The following CCT6B variants were observed in gnomAD, a reference collection of about 807,000 sequenced individuals.
CCT6B encodes probable T-complex protein 1 subunit zeta-2.
Under a neutral mutation model 61.5 loss-of-function variants are expected in CCT6B, and 49 were observed. The observed-to-expected ratio is 0.80, with a 90% CI of 0.63 to 1.01. The LOEUF is 1.01. Ranked by LOEUF, CCT6B falls within the 50% of genes least tolerant of loss-of-function variation. The pLI, the probability that CCT6B is intolerant of heterozygous loss-of-function variation, is 0.00. For synonymous variants in CCT6B, 228 were observed against 214.5 expected (o/e 1.06, Z -0.55); for missense variants, 666 against 634.7 (o/e 1.05, Z -0.53).
intron 1 of CCT6B, among the ~76,000 whole-genome samples, chr17:34,960,561 C>T (rs1046499758): frequency 1.4e-4 from 22 of 152,196 alleles, no homozygotes; most frequent in African/African-American, 5.3e-4. Flanking sequence ...GCACATCCTA[C>T]TCTACCACAT....
At chr17:34,952,769 C>G (rs1230883158) in intron 4 of CCT6B, among the ~76,000 whole-genome samples, 2 of 152,078 alleles carry the variant, frequency 1.3e-5, no homozygotes, top group Non-Finnish European at 2.9e-5. Flanking sequence ...GTTATAACTA[C>G]CCTAAAATAT....
At chr17:34,929,230 G>C (rs934970744) in intron 12 of CCT6B, among the ~76,000 whole-genome samples, 196 bp from the exon 13 acceptor site, 39 of 152,090 alleles carry the variant, frequency 2.6e-4, no homozygotes, top group Admixed American at 1.1e-3. Context: ...ACATTCTGCC[G>C]CCTACTCTAT....
intron 5 of CCT6B, among the ~76,000 whole-genome samples, chr17:34,950,454 C>A (rs2090277809): frequency 6.6e-6 from 1 of 152,062 alleles, no homozygotes; most frequent in African/African-American, 2.4e-5. Context: ...ATGGTGATAC[C>A]ACTACAGATC....
At chr17:34,956,350 T>C (rs1280603387) in intron 3 of CCT6B, among the ~76,000 whole-genome samples, 1 of 152,200 alleles carries the variant, frequency 6.6e-6, no homozygotes, top group African/African-American at 2.4e-5. Flanking sequence ...GGTTCACTCC[T>C]CCTCATCCTG....
At position 34,942,568 on chromosome 17, in the gene CCT6B, A is replaced by C; in HGVS notation, c.801T>G (p.Ile267Met). 1 of 1,608,492 alleles carries C rather than the reference A, an allele frequency of 6.2e-7. No individual in the cohort carries two copies. Among genetic ancestry groups the C allele is most frequent in the South Asian group, 1.1e-5 (1 of 90,082 alleles). The change falls in exon 7 of 14, where the codon ATT becomes ATG. Residue 267 changes from isoleucine to methionine, a missense_variant. Ile to Met is a conservative substitution (Grantham distance 10). Coordinates refer to ENST00000314144, the MANE Select transcript of CCT6B (RefSeq NM_006584.4). The part of the protein sequence containing the change: ...EKLVKAERKF[I>M]EDRVQKIIDL... ...CTATTATTTTTTGTACTCTATCTTCAATAAATTTTCTTTCAGCTTTTACCA... is the reference window on the plus strand; with the variant it reads ...CTATTATTTTTTGTACTCTATCTTCCATAAATTTTCTTTCAGCTTTTACCA...
intron 5 of CCT6B, among the ~76,000 whole-genome samples, chr17:34,948,728 A>C (rs1316938389): frequency 6.6e-6 from 1 of 150,832 alleles, no homozygotes; most frequent in East Asian, 2.0e-4. Flanking sequence ...AAAAAAAAAA[A>C]AACAAAACAA....
At chr17:34,948,655 A>G (rs2090252605) in intron 5 of CCT6B, among the ~76,000 whole-genome samples, 1 of 150,028 alleles carries the variant, frequency 6.7e-6, no homozygotes, top group African/African-American at 2.4e-5. Context: ...CAGAGATTGC[A>G]GTGAGCCAAG....
chr17:34,942,614 G>T lies in CCT6B; in HGVS notation c.755C>A (p.Thr252Asn). The change falls in exon 7 of 14, where the codon ACT becomes AAT. Residue 252 changes from threonine (T) to asparagine (N), a missense_variant. Coordinates refer to ENST00000314144, the MANE Select transcript of CCT6B (RefSeq NM_006584.4). ...TACCAATTTCTCTTTCTCTTCTGCAGTCTTATAAAAGAAACCAGAGTTCAC... is the reference window on the plus strand; with the variant it reads ...TACCAATTTCTCTTTCTCTTCTGCATTCTTATAAAAGAAACCAGAGTTCAC... The part of the protein sequence containing the change: ...TEVNSGFFYK[T>N]AEEKEKLVKA... 2 of 1,600,010 alleles carry T rather than the reference G, an allele frequency of 1.2e-6. No individual in the cohort carries two copies. Among genetic ancestry groups the T allele is most frequent in the Non-Finnish European group, 1.7e-6 (2 of 1,175,536 alleles).
At chr17:34,958,216 G>A (rs1256694470) in intron 3 of CCT6B, among the ~76,000 whole-genome samples, 4 of 152,196 alleles carry the variant, frequency 2.6e-5, no homozygotes, top group African/African-American at 4.8e-5. Flanking sequence ...GGCCCAGGCA[G>A]GTGGATCACC....
chr17:34,940,701 A>G, intron 7 of CCT6B, 80 bp from the exon 8 acceptor site: 1 of 627,994 alleles, frequency 1.6e-6, no homozygotes, highest in East Asian at 3.0e-5. Context: ...GCACCACTTT[A>G]CTCTCTTAAA....
At position 34,940,605 on chromosome 17, in the gene CCT6B, G is replaced by A. The variant is rs767958063; in HGVS notation, c.902C>T (p.Ser301Phe). 1.1e-5 allele frequency: 17 copies of A among 1,540,698 alleles called. No individual in the cohort carries two copies. The highest frequency in any genetic ancestry group is 1.4e-5 in the Non-Finnish European group (16 of 1,127,112). ...VINQKGIDPFSLDSLAKHGIV... is the reference protein window; with the variant it reads ...VINQKGIDPFFLDSLAKHGIV... ...TCCATGTTTTGCAAGAGAATCTAAGGAAAATGGATCAATTCCCTATAATCA... is the reference window on the plus strand; with the variant it reads ...TCCATGTTTTGCAAGAGAATCTAAGAAAAATGGATCAATTCCCTATAATCA... Residue 301 changes from serine to phenylalanine, a missense_variant, in exon 8 of 14, where the codon TCC becomes TTC. Coordinates refer to ENST00000314144, the MANE Select transcript of CCT6B (RefSeq NM_006584.4).
intron 5 of CCT6B, among the ~76,000 whole-genome samples, chr17:34,944,995 A>G (rs2090208023): frequency 6.6e-6 from 1 of 152,232 alleles, no homozygotes; most frequent in Non-Finnish European, 1.5e-5. Context: ...AATGTACTCA[A>G]ACTTTCAGCA....
At chr17:34,933,751 C>T (rs2090062618) in intron 10 of CCT6B, among the ~76,000 whole-genome samples, 1 of 152,266 alleles carries the variant, frequency 6.6e-6, no homozygotes, top group East Asian at 1.9e-4. Flanking sequence ...TAAAGCAGTA[C>T]TTAAAGAGAA....
intron 10 of CCT6B, among the ~76,000 whole-genome samples, chr17:34,934,251 G>A (rs958551345): frequency 6.6e-6 from 1 of 151,666 alleles, no homozygotes; most frequent in African/African-American, 2.4e-5. Context: ...TCAGAAATGA[G>A]AAAATTTATA....
At chr17:34,929,634 C>T (rs1192624386) in intron 12 of CCT6B, among the ~76,000 whole-genome samples, 1 of 151,942 alleles carries the variant, frequency 6.6e-6, no homozygotes, top group African/African-American at 2.4e-5. Flanking sequence ...CTGACTCAGC[C>T]TCCCAAGTAG....
intron 5 of CCT6B, among the ~76,000 whole-genome samples, chr17:34,948,360 G>A (rs2090248976): frequency 1.3e-5 from 2 of 152,180 alleles, no homozygotes; most frequent in Admixed American, 1.3e-4. Flanking sequence ...AAAAAATCAT[G>A]TAAAGAGAGA....
At position 34,953,341 on chromosome 17, in the gene CCT6B, A is replaced by ATATATATATT. The variant is rs1555550678; in HGVS notation, c.510+1084_510+1085insAATATATATA. Among the ~76,000 whole-genome samples the ATATATATATT allele has an allele frequency of 3.6e-3, 501 of 139,774 alleles. 1 individual carries two copies. The highest frequency in any genetic ancestry group is 5.1e-3 in the Non-Finnish European group (332 of 65,314). The allele number at this position is 139,774 out of a possible 152,430, so 91.7% of individuals were successfully genotyped here. ...AAAATATATATATATATATATATAT[A>ATATATATATT]TTTTTTTGAGACAAAGTTTCACTCT... On this transcript the variant is annotated intron_variant, in intron 4 of 13. Transcript: ENST00000314144.
intron 5 of CCT6B, 130 bp downstream of exon 5, chr17:34,951,820 C>T (rs1282602606): frequency 4.0e-6 from 2 of 497,648 alleles, no homozygotes; most frequent in Non-Finnish European, 7.1e-6. Flanking sequence ...ATTCCCATTA[C>T]CTAGAGCAGT....
At chr17:34,928,804 A>T (rs529591008) in intron 13 of CCT6B, among the ~76,000 whole-genome samples, 158 bp downstream of exon 13, 1 of 152,334 alleles carries the variant, frequency 6.6e-6, no homozygotes, top group South Asian at 2.1e-4. Flanking sequence ...TATGGACTAT[A>T]AAATGACAGA....
Sources: gnomAD v4.1 joint callset for allele counts (sites outside exome capture counted in the v4.1 genomes callset) on GRCh38, gnomAD v4.1.1 for gene constraint, MANE v1.5 for transcripts, NCBI Gene and HGNC (gene_info 2026-07-23, HGNC 2026-07-21) for gene names.